Variants in SDK1 observed in about 807,000 individuals in gnomAD.
SDK1 encodes protein sidekick-1.
SDK1 carries 157 observed loss-of-function variants against 245.5 expected under a neutral mutation model. The ratio of observed to expected loss-of-function variants is 0.64; its 90% CI spans 0.56 to 0.73. SDK1 has a LOEUF of 0.73. SDK1 is among the 30% of genes least tolerant of loss of function. The pLI is 0.00. For synonymous variants in SDK1, 1,647 were observed against 1,278.5 expected, an observed-to-expected ratio of 1.29 and a Z score of -6.15; for missense variants, 3,583 against 3,002.3, an observed-to-expected ratio of 1.19 and a Z score of -4.52.
chr7:3,955,194 G>T (rs1305584511), intron 7 of SDK1, among the ~76,000 whole-genome samples: 1 of 152,200 alleles, frequency 6.6e-6, no homozygotes, highest in Non-Finnish European at 1.5e-5. Flanking sequence ...TCTGCTGCCA[G>T]CCCCTTCAAG....
At chr7:4,071,144 C>A (rs1324714393) in intron 20 of SDK1, among the ~76,000 whole-genome samples, 1 of 152,086 alleles carries the variant, frequency 6.6e-6, no homozygotes, top group African/African-American at 2.4e-5. Context: ...CCTGCCTTAG[C>A]CTCCCAAGTA....
chr7:3,491,165 C>G (rs553161719), intron 1 of SDK1, among the ~76,000 whole-genome samples: 74 of 152,290 alleles, frequency 4.9e-4, no homozygotes, highest in Non-Finnish European at 1.6e-4. Flanking sequence ...TTTGATTTTA[C>G]GGAAGTATGT....
At chr7:3,502,374 C>T (rs773587606) in intron 1 of SDK1, among the ~76,000 whole-genome samples, 43 of 152,060 alleles carry the variant, frequency 2.8e-4, no homozygotes, top group Non-Finnish European at 5.6e-4. Flanking sequence ...CTCAGCCTCC[C>T]GAGTAGGTGG....
chr7:3,919,663 G>C (rs1486755955), intron 5 of SDK1, among the ~76,000 whole-genome samples: 4 of 152,182 alleles, frequency 2.6e-5, no homozygotes, highest in South Asian at 2.1e-4. Context: ...TAAAGATTCT[G>C]CTTTATTAAC....
chr7:3,726,615 A>G (rs1389001860), intron 4 of SDK1, among the ~76,000 whole-genome samples: 1 of 152,194 alleles, frequency 6.6e-6, no homozygotes, highest in Non-Finnish European at 1.5e-5. Context: ...CAAGGTTATA[A>G]GTTATGTTAA....
intron 1 of SDK1, among the ~76,000 whole-genome samples, chr7:3,343,389 A>G (rs1441500878): frequency 1.3e-5 from 2 of 152,242 alleles, no homozygotes; most frequent in Non-Finnish European, 2.9e-5. Flanking sequence ...CGAGTGATAA[A>G]AAGCCTATTC....
chr7:4,187,086 T>C (rs527483732), intron 35 of SDK1, among the ~76,000 whole-genome samples: 1 of 152,174 alleles, frequency 6.6e-6, no homozygotes, highest in South Asian at 2.1e-4. Flanking sequence ...GTTGTGTGCA[T>C]GTTGGGTGTG....
intron 1 of SDK1, among the ~76,000 whole-genome samples, chr7:3,474,967 A>G (rs1781307858): frequency 6.6e-6 from 1 of 152,206 alleles, no homozygotes; most frequent in African/African-American, 2.4e-5. Flanking sequence ...CTGGAATTGC[A>G]GGTGTGAGCC....
intron 4 of SDK1, 115 bp from the exon 5 acceptor site, chr7:3,821,335 C>G: frequency 8.2e-7 from 1 of 1,216,028 alleles, no homozygotes; most frequent in Admixed American, 2.5e-5. Context: ...TTTGTCCTTC[C>G]AGCTCTTCTT....
At chr7:3,623,019 C>T (rs1161821232) in intron 2 of SDK1, among the ~76,000 whole-genome samples, 2 of 151,910 alleles carry the variant, frequency 1.3e-5, no homozygotes, top group Non-Finnish European at 2.9e-5. Context: ...CTTCATGAGA[C>T]CTTTGTAAGT....
chr7:3,510,008 C>T (rs567993448), intron 1 of SDK1, among the ~76,000 whole-genome samples: 2 of 152,136 alleles, frequency 1.3e-5, no homozygotes, highest in South Asian at 4.1e-4. Flanking sequence ...TTCCAGAGCT[C>T]CCCAGGTAGT....
intron 1 of SDK1, among the ~76,000 whole-genome samples, chr7:3,455,022 T>C (rs894384426): frequency 2.6e-5 from 4 of 152,222 alleles, no homozygotes; most frequent in African/African-American, 9.6e-5. Context: ...TTTTAGATAT[T>C]CTGATAGGTA....
chr7:3,508,547 C>T (rs549152732), intron 1 of SDK1, among the ~76,000 whole-genome samples: 26 of 152,094 alleles, frequency 1.7e-4, no homozygotes, highest in South Asian at 1.0e-3. Flanking sequence ...AGGCTGGTCT[C>T]GAACTCCTGA....
chr7:3,450,475 A>C (rs1297854335), intron 1 of SDK1, among the ~76,000 whole-genome samples: 6 of 152,184 alleles, frequency 3.9e-5, no homozygotes, highest in African/African-American at 1.2e-4. Flanking sequence ...AAGAAGTAGC[A>C]GTGCTAGCAT....
intron 22 of SDK1, among the ~76,000 whole-genome samples, chr7:4,104,163 G>T (rs942582354): frequency 6.6e-6 from 1 of 152,278 alleles, no homozygotes; most frequent in African/African-American, 2.4e-5. Flanking sequence ...GAGCTCAAGC[G>T]ATCCTCCTGC....
At chr7:4,161,946 T>C in intron 32 of SDK1, 90 bp downstream of exon 32, 1 of 1,155,948 alleles carries the variant, frequency 8.7e-7, no homozygotes, top group Non-Finnish European at 1.3e-6. Flanking sequence ...GACTGCAAGC[T>C]GAGCCCTGAG....
chr7:3,490,821 C>G (rs554581339), intron 1 of SDK1, among the ~76,000 whole-genome samples: 1 of 152,298 alleles, frequency 6.6e-6, no homozygotes, highest in Non-Finnish European at 1.5e-5. Context: ...CCAAATTCTC[C>G]TTTTAGTATA....
chr7:3,728,857 T>C (rs957338685), intron 4 of SDK1, among the ~76,000 whole-genome samples: 1 of 152,152 alleles, frequency 6.6e-6, no homozygotes, highest in Admixed American at 6.5e-5. Context: ...CCGCCCACTT[T>C]GGCCTCCCAA....
At chr7:4,126,925 G>T (rs1784425683) in intron 25 of SDK1, among the ~76,000 whole-genome samples, 1 of 152,132 alleles carries the variant, frequency 6.6e-6, no homozygotes, top group South Asian at 2.1e-4. Flanking sequence ...ACAGGCACTG[G>T]ATAAGCACCT....
Sources: gnomAD v4.1 joint callset for allele counts (sites outside exome capture counted in the v4.1 genomes callset) on GRCh38, gnomAD v4.1.1 for gene constraint, MANE v1.5 for transcripts, NCBI Gene and HGNC (gene_info 2026-07-23, HGNC 2026-07-21) for gene names.